Variants in DMD observed in about 807,000 individuals in gnomAD.
DMD encodes the protein mutant dystrophin.
Under a neutral mutation model 330.1 loss-of-function variants are expected in DMD, and 63 were observed. That is an observed-to-expected ratio of 0.19 (90% CI 0.16 to 0.24). DMD has a LOEUF of 0.24. Ranked by LOEUF, DMD falls within the 10% of genes least tolerant of loss-of-function variation. The pLI is 1.00. For missense variants in DMD, 3,344 were observed against 2,684.1 expected (o/e 1.25, Z -5.43); for synonymous variants, 1,223 against 959.8 (o/e 1.27, Z -5.07).
At chrX:31,378,042 T>A (rs2059970815) in intron 60 of DMD, among the ~76,000 whole-genome samples, 1 of 111,428 alleles carries the variant, frequency 9.0e-6, no homozygotes, top group African/African-American at 3.3e-5. Flanking sequence ...CCAAATCTTA[T>A]AAAACGGCCC....
At chrX:31,260,824 G>A in intron 63 of DMD, 131 bp downstream of exon 63, 3 of 547,631 alleles carry the variant, frequency 5.5e-6, no homozygotes, top group Non-Finnish European at 9.0e-6. Context: ...TGGATAGGAA[G>A]GTGCCACTGC....
intron 30 of DMD, among the ~76,000 whole-genome samples, chrX:32,405,739 C>A (rs1282002731): frequency 1.8e-5 from 2 of 111,299 alleles, no homozygotes; most frequent in Admixed American, 1.9e-4. Flanking sequence ...ATGCAGGCTC[C>A]TTTATGGTTC....
intron 9 of DMD, among the ~76,000 whole-genome samples, chrX:32,650,959 G>C (rs1047691391): frequency 3.6e-5 from 4 of 111,252 alleles, no homozygotes; most frequent in Non-Finnish European, 7.5e-5. Context: ...ATGAGGAAAT[G>C]GAAATAGAAA....
intron 13 of DMD, among the ~76,000 whole-genome samples, chrX:32,594,906 G>A (rs754429617): frequency 3.6e-5 from 4 of 111,715 alleles, no homozygotes; most frequent in Non-Finnish European, 7.5e-5. Context: ...TTTTGGGACT[G>A]AAGGAACTGA....
At chrX:31,257,662 A>G (rs757199391) in intron 63 of DMD, among the ~76,000 whole-genome samples, 39 of 112,541 alleles carry the variant, frequency 3.5e-4, no homozygotes, top group Admixed American at 9.4e-4. Context: ...GGATGTAGGC[A>G]GGCTGGGCGC....
rs139163067 is a variant in DMD at position 31,622,072 on chromosome X, G to A, written c.8217+5601C>T. 2.6e-3 allele frequency among the ~76,000 whole-genome samples: 292 copies of A among 111,341 alleles called. 1 individual carries two copies. Among genetic ancestry groups the A allele is most frequent in the African/African-American group, 9.0e-3 (274 of 30,612 alleles). On this transcript the variant is annotated intron_variant, in intron 55 of 78. Coordinates refer to ENST00000357033, the MANE Select transcript of DMD (RefSeq NM_004006.3). Reference sequence around the variant, plus strand: ...TGCATAAGCAAGGTTAAAATCCACCGTTCTAGGTGAGTTTCCTGGCCTCTT... The same window carrying A: ...TGCATAAGCAAGGTTAAAATCCACCATTCTAGGTGAGTTTCCTGGCCTCTT...
chrX:31,313,347 C>T (rs1049629712), intron 62 of DMD, among the ~76,000 whole-genome samples: 46 of 110,045 alleles, frequency 4.2e-4, no homozygotes, highest in African/African-American at 1.4e-3. Flanking sequence ...GGAAAATCCA[C>T]CTAACAGTGC....
intron 51 of DMD, among the ~76,000 whole-genome samples, chrX:31,773,605 A>C (rs2090467369): frequency 9.0e-6 from 1 of 111,464 alleles, no homozygotes; most frequent in Admixed American, 9.6e-5. Flanking sequence ...GTAGTGCCAA[A>C]ACAAACAGTT....
intron 29 of DMD, among the ~76,000 whole-genome samples, chrX:32,422,927 G>A (rs1396295246): frequency 9.0e-6 from 1 of 111,244 alleles, no homozygotes; most frequent in South Asian, 3.7e-4. Flanking sequence ...AGAGAGAGAT[G>A]AATATGTACC....
At chrX:31,137,278 C>G (rs2035368610) in intron 76 of DMD, among the ~76,000 whole-genome samples, 1 of 111,886 alleles carries the variant, frequency 8.9e-6, no homozygotes, top group African/African-American at 3.3e-5. Context: ...CTCGGCCTCC[C>G]AAAGTGCTGG....
intron 5 of DMD, among the ~76,000 whole-genome samples, chrX:32,817,124 T>G (rs1732541164): frequency 8.9e-6 from 1 of 112,091 alleles, no homozygotes; most frequent in African/African-American, 3.2e-5. Flanking sequence ...CTAGGCCTCA[T>G]TTCTGTGTAT....
At chrX:32,959,471 G>T (rs1156650345) in intron 2 of DMD, among the ~76,000 whole-genome samples, 1 of 111,479 alleles carries the variant, frequency 9.0e-6, no homozygotes, top group Non-Finnish European at 1.9e-5. Context: ...AAACTAAACT[G>T]AATTCTGCCA....
intron 55 of DMD, among the ~76,000 whole-genome samples, chrX:31,515,511 A>G (rs969113401): frequency 9.1e-6 from 1 of 110,149 alleles, no homozygotes; most frequent in African/African-American, 3.3e-5. Flanking sequence ...CTCCTTACTG[A>G]TAATTTTTAT....
chrX:33,170,411 T>A (rs1387435722), intron 1 of DMD, among the ~76,000 whole-genome samples: 3 of 111,301 alleles, frequency 2.7e-5, no homozygotes, highest in Admixed American at 1.9e-4. Context: ...TTCACAAATA[T>A]CTTTTATTTC....
At chrX:32,133,016 T>C (rs1400273304) in intron 44 of DMD, among the ~76,000 whole-genome samples, 2 of 90,059 alleles carry the variant, frequency 2.2e-5, no homozygotes, top group East Asian at 3.2e-4. Flanking sequence ...TTTTTTTTTT[T>C]TTTTTTTTTA....
At chrX:31,776,589 C>CAGGG (rs1241953198) in intron 50 of DMD, among the ~76,000 whole-genome samples, 4 of 66,841 alleles carry the variant, frequency 6.0e-5, no homozygotes, top group African/African-American at 1.9e-4. Context: ...AGAAGAAAGT[C>CAGGG]AGGGAGGGAG....
At chrX:32,127,519 G>C (rs181075544) in intron 44 of DMD, among the ~76,000 whole-genome samples, 2 of 110,773 alleles carry the variant, frequency 1.8e-5, no homozygotes, top group African/African-American at 6.6e-5. Flanking sequence ...TCTCTAACTC[G>C]AATGAACCCC....
intron 7 of DMD, among the ~76,000 whole-genome samples, chrX:32,715,329 T>C (rs971584299): frequency 9.2e-6 from 1 of 108,342 alleles, no homozygotes; most frequent in Non-Finnish European, 1.9e-5. Flanking sequence ...ATTCAAAAAT[T>C]AGTTTGGCTT....
At chrX:31,509,811 G>A (rs1381546727) in intron 55 of DMD, among the ~76,000 whole-genome samples, 1 of 112,041 alleles carries the variant, frequency 8.9e-6, no homozygotes, top group Non-Finnish European at 1.9e-5. Flanking sequence ...CTGATTTATT[G>A]TCTAGTTTTA....
Sources: allele counts gnomAD v4.1 joint callset (sites outside exome capture counted in the v4.1 genomes callset), GRCh38; gene constraint gnomAD v4.1.1; transcripts MANE v1.5; gene names NCBI Gene and HGNC (gene_info 2026-07-23, HGNC 2026-07-21).